PHYKPL: variants seen among roughly 807,000 people sequenced by gnomAD.
The protein encoded by PHYKPL is 5-phosphohydroxy-L-lysine phospho-lyase.
A neutral mutation model predicts 51.3 loss-of-function variants in PHYKPL; 42 were observed. That is an observed-to-expected ratio of 0.82 (90% CI 0.64 to 1.06). The LOEUF (loss-of-function observed/expected upper bound fraction) is 1.06. PHYKPL is among the 50% of genes least tolerant of loss of function. PHYKPL has a pLI of 0.00. For synonymous variants in PHYKPL, 264 were observed against 236.0 expected, an observed-to-expected ratio of 1.12 and a Z score of -1.09; for missense variants, 655 against 586.6, an observed-to-expected ratio of 1.12 and a Z score of -1.20.
downstream of PHYKPL, chr5:178,207,349 G>C: frequency 1.8e-6 from 2 of 1,139,694 alleles, no homozygotes; most frequent in Non-Finnish European, 2.5e-6. Context: ...CTATTTCTCT[G>C]AAGCGTATGC....
chr5:178,222,486 C>T lies in PHYKPL; in HGVS notation c.796G>A (p.Gly266Arg), dbSNP rs1252409935. 1.2e-6 allele frequency: 2 copies of T among 1,614,242 alleles called. No individual in the cohort carries two copies. Among genetic ancestry groups the T allele is most frequent in the East Asian group, 2.2e-5 (1 of 44,886 alleles). The change falls in exon 8 of 13, where the codon GGA (glycine) becomes AGA (arginine). Residue 266 changes from glycine (G) to arginine (R), a missense_variant. Transcript: ENST00000308158. ...GKHFWAFQLQ[G>R]KDFVPDIVTM... Reference sequence around the variant, plus strand: ...ACGATGTCAGGGACGAAGTCTTTTCCCTGGAGCTGGAAGGCCCAGAAGTGC... The same window carrying T: ...ACGATGTCAGGGACGAAGTCTTTTCTCTGGAGCTGGAAGGCCCAGAAGTGC...
intron 3 of PHYKPL, among the ~76,000 whole-genome samples, chr5:178,228,889 T>C (rs1762818791): frequency 6.6e-6 from 1 of 152,176 alleles, no homozygotes; most frequent in Admixed American, 6.5e-5. Flanking sequence ...AGTTTCCCAA[T>C]GCTCTTAGGA....
intron 9 of PHYKPL, among the ~76,000 whole-genome samples, 189 bp from the exon 10 acceptor site, chr5:178,215,074 G>T (rs1368373216): frequency 1.3e-5 from 2 of 152,152 alleles, no homozygotes; most frequent in African/African-American, 4.8e-5. Flanking sequence ...GAGGAGAGAG[G>T]CTCAGGGGTA....
chr5:178,232,072 T>A (rs1476756736), intron 1 of PHYKPL: 1 of 1,189,592 alleles, frequency 8.4e-7, no homozygotes, highest in Non-Finnish European at 1.1e-6. Flanking sequence ...CTCTCCCTTG[T>A]CTGCCCTTTC....
At chr5:178,229,387 C>T (rs1262129250) in intron 3 of PHYKPL, among the ~76,000 whole-genome samples, 1 of 152,216 alleles carries the variant, frequency 6.6e-6, no homozygotes, top group African/African-American at 2.4e-5. Context: ...GGATTACAGG[C>T]ATGAGCCATC....
chr5:178,214,415 G>A (rs921698707), intron 10 of PHYKPL, among the ~76,000 whole-genome samples: 3 of 152,148 alleles, frequency 2.0e-5, no homozygotes, highest in African/African-American at 4.8e-5. Context: ...TGCTGCCACA[G>A]CTCCCTGGTA....
chr5:178,225,671 T>A, intron 3 of PHYKPL: 1 of 537,760 alleles, frequency 1.9e-6, no homozygotes, highest in Non-Finnish European at 3.3e-6. Flanking sequence ...GTATGTGTCA[T>A]GAAAGTTGTT....
chr5:178,228,158 T>G, intron 3 of PHYKPL: 1 of 204,372 alleles, frequency 4.9e-6, no homozygotes, highest in Non-Finnish European at 9.8e-6. Flanking sequence ...CACCAACACA[T>G]GGATGCTATG....
At chr5:178,210,545 G>A (rs376937285) in intron 12 of PHYKPL, 103 of 1,613,538 alleles carry the variant, frequency 6.4e-5, no homozygotes, top group East Asian at 8.9e-5. Flanking sequence ...GGTTGTTCTC[G>A]TCCCTAGGTC....
intron 3 of PHYKPL, among the ~76,000 whole-genome samples, chr5:178,227,647 G>A (rs761648439): frequency 1.3e-5 from 2 of 152,196 alleles, no homozygotes; most frequent in Non-Finnish European, 2.9e-5. Flanking sequence ...TGTGCACAGG[G>A]CTGGGAAGGA....
chr5:178,211,848 C>T, intron 12 of PHYKPL, 42 bp downstream of exon 12: 3 of 1,457,868 alleles, frequency 2.1e-6, no homozygotes, highest in Admixed American at 1.7e-5. Context: ...TGGTAAGGAA[C>T]CCGCTGTGCA....
At chr5:178,225,831 C>CTGCAGAA in intron 3 of PHYKPL, 1 of 203,946 alleles carries the variant, frequency 4.9e-6, no homozygotes, top group Non-Finnish European at 1.0e-5. Context: ...TGGGTGTCCT[C>CTGCAGAA]CAATTCAATT....
rs749930488 is a variant in PHYKPL at position 178,224,738 on chromosome 5, G to A, written c.414-9C>T. On this transcript the variant is annotated splice_polypyrimidine_tract_variant and intron_variant, in intron 4 of 12. Transcript: ENST00000308158. ...GGTGGCCGTGATACGCACTGGGGAG[G>A]AGAAGGGAGGGTAGGCTCGGGTCCG... 4.3e-5 allele frequency: 69 copies of A among 1,608,758 alleles called. No homozygotes were observed. The East Asian group carries it at 1.4e-3, about 32-fold the overall frequency.
intron 10 of PHYKPL, among the ~76,000 whole-genome samples, chr5:178,214,584 A>G (rs1370557504): frequency 6.6e-6 from 1 of 152,184 alleles, no homozygotes; most frequent in Non-Finnish European, 1.5e-5. Context: ...CACTGGGTAC[A>G]GAACTGCTAA....
intron 1 of PHYKPL, chr5:178,231,804 G>A (rs906225340): frequency 7.1e-7 from 1 of 1,399,074 alleles, no homozygotes; most frequent in South Asian, 1.2e-5. Flanking sequence ...GTCCGCGTCA[G>A]TCTCCCGGAT....
intron 1 of PHYKPL, 128 bp downstream of exon 1, chr5:178,232,364 G>GA: frequency 7.7e-7 from 1 of 1,295,118 alleles, no homozygotes. Flanking sequence ...GGCAGCGGCC[G>GA]GACGGGATGG....
rs1759462034 is a variant in PHYKPL, at chr5:178,214,994, G to A, written c.1083-109C>T. On this transcript the variant is annotated intron_variant, in intron 9 of 12. Transcript: ENST00000308158. Reference sequence around the variant, plus strand: ...CCTCCTGAGGGGGCTGAGTGCAGGAGGCACCTTCAGAAGGTGGTGAGAATA... The same window carrying A: ...CCTCCTGAGGGGGCTGAGTGCAGGAAGCACCTTCAGAAGGTGGTGAGAATA... The A allele has an allele frequency of 2.1e-5, 21 of 983,088 alleles. No individual in the cohort carries two copies. The East Asian group carries it at 4.8e-4, about 23-fold the overall frequency. The allele number at this position is 983,088 out of a possible 1,614,324, so 60.9% of individuals were successfully genotyped here.
rs10079902 is a variant in PHYKPL, at chr5:178,225,555, G to C, written c.339-126C>G. 8.0e-3 allele frequency: 7,067 copies of C among 879,380 alleles called. 209 individuals carry two copies. The highest frequency in any genetic ancestry group is 0.062 in the South Asian group (4,297 of 68,752). 54.5% of individuals were successfully genotyped at this position (879,380 alleles called of 1,614,324 possible). A position where few individuals can be genotyped will look rare whatever the true frequency, so the allele number is the denominator to read the frequency against. On this transcript the variant is annotated intron_variant, in intron 3 of 12. Transcript: ENST00000308158. ...CAGGACATCAACTAGTCAGTCACTT[G>C]CTTGTTTGTTTGGTATATATCAAAT...
intron 8 of PHYKPL, among the ~76,000 whole-genome samples, chr5:178,219,716 C>T (rs992022698): frequency 6.6e-6 from 1 of 151,940 alleles, no homozygotes; most frequent in Non-Finnish European, 1.5e-5. Context: ...TCCCAAAGTG[C>T]TGGGATTACA....
Sources: gnomAD v4.1 joint callset for allele counts (sites outside exome capture counted in the v4.1 genomes callset) on GRCh38, gnomAD v4.1.1 for gene constraint, MANE v1.5 for transcripts, NCBI Gene and HGNC (gene_info 2026-07-23, HGNC 2026-07-21) for gene names.